CUX2: variants seen among roughly 807,000 people sequenced by gnomAD.
CUX2 encodes homeobox protein cut-like 2.
Under a neutral mutation model 144.8 loss-of-function variants are expected in CUX2, and 40 were observed. The ratio of observed to expected loss-of-function variants is 0.28; its 90% CI spans 0.21 to 0.36. The LOEUF is 0.36. Ranked by LOEUF, CUX2 falls within the 10% of genes least tolerant of loss-of-function variation. The probability of loss-of-function intolerance (pLI) is 1.00; values close to 1 mark genes in which losing one functional copy is unlikely to be tolerated. For missense variants in CUX2, 1,615 were observed against 1,994.0 expected, an observed-to-expected ratio of 0.81 and a Z score of 3.62; for synonymous variants, 827 against 875.6, an observed-to-expected ratio of 0.94 and a Z score of 0.98.
chr12:111,075,022 T>C (rs58084434), intron 1 of CUX2, among the ~76,000 whole-genome samples: 5,799 of 152,182 alleles, frequency 0.038, 357 homozygotes, highest in African/African-American at 0.13. Context: ...CCCACAGGCC[T>C]TCTCTGGACC....
intron 3 of CUX2, among the ~76,000 whole-genome samples, chr12:111,254,430 C>G (rs1351815530): frequency 6.6e-6 from 1 of 152,198 alleles, no homozygotes; most frequent in African/African-American, 2.4e-5. Flanking sequence ...AGGGCAGAAT[C>G]TGGAAGCTGG....
At chr12:111,073,132 C>T (rs1871327665) in intron 1 of CUX2, among the ~76,000 whole-genome samples, 1 of 152,164 alleles carries the variant, frequency 6.6e-6, no homozygotes, top group East Asian at 1.9e-4. Context: ...AAATTAAGAA[C>T]TAGAAAATCC....
chr12:111,242,596 C>T (rs1318376203), intron 3 of CUX2, among the ~76,000 whole-genome samples: 3 of 152,058 alleles, frequency 2.0e-5, no homozygotes, highest in South Asian at 2.1e-4. Context: ...GGCAGATCAC[C>T]TTAGGTCAGG....
intron 18 of CUX2, among the ~76,000 whole-genome samples, chr12:111,326,880 G>C (rs773609971): frequency 5.9e-5 from 9 of 152,148 alleles, no homozygotes; most frequent in Non-Finnish European, 8.8e-5. Flanking sequence ...TGCAGCCTGG[G>C]TGACAGAGTG....
At position 111,241,841 on chromosome 12, in the gene CUX2, T is replaced by C. The variant is rs12816576; in HGVS notation, c.223-21920T>C. 3.0e-3 allele frequency among the ~76,000 whole-genome samples: 454 copies of C among 152,400 alleles called. 1 individual carries two copies. Among genetic ancestry groups the C allele is most frequent in the South Asian group, 0.015 (72 of 4,828 alleles). Reference sequence around the variant, plus strand: ...CACTTTACAAAACTCAGCCTTCAGCTATGCAGTCTTAGGAAGCAGATCTCA... The same window carrying C: ...CACTTTACAAAACTCAGCCTTCAGCCATGCAGTCTTAGGAAGCAGATCTCA... On this transcript the variant is annotated intron_variant, in intron 3 of 21. Transcript: ENST00000261726.
intron 1 of CUX2, among the ~76,000 whole-genome samples, chr12:111,134,266 G>A (rs1349679340): frequency 1.3e-5 from 2 of 152,126 alleles, no homozygotes; most frequent in Non-Finnish European, 2.9e-5. Flanking sequence ...AAAGTATCTG[G>A]CATATCAAGT....
chr12:111,121,182 T>A (rs1874640448), intron 1 of CUX2, among the ~76,000 whole-genome samples: 1 of 151,736 alleles, frequency 6.6e-6, no homozygotes, highest in Non-Finnish European at 1.5e-5. Flanking sequence ...CTATATTGAT[T>A]TAATGTGCAT....
At chr12:111,093,477 C>A (rs1185253148) in intron 1 of CUX2, among the ~76,000 whole-genome samples, 1 of 152,030 alleles carries the variant, frequency 6.6e-6, no homozygotes, top group African/African-American at 2.4e-5. Context: ...GCCTCGTCTG[C>A]CACTTCTAAA....
chr12:111,119,629 C>T (rs1329034287), intron 1 of CUX2, among the ~76,000 whole-genome samples: 1 of 152,190 alleles, frequency 6.6e-6, no homozygotes, highest in Admixed American at 6.5e-5. Flanking sequence ...CATTGATGGA[C>T]TGGAAGTTCT....
intron 4 of CUX2, among the ~76,000 whole-genome samples, chr12:111,276,154 A>G (rs1884861794): frequency 6.6e-6 from 1 of 152,024 alleles, no homozygotes; most frequent in African/African-American, 2.4e-5. Context: ...GGAGTTTGAG[A>G]CCAGCCTGGG....
In CUX2 at chr12:111,178,847, T is replaced by C. The variant is rs2136177505; in HGVS notation, c.64-35353T>C. ...TCCTGTGGTGGTGATATCCCAGGGC[T>C]GAGCTGGAAGACCGTGTGCATGTGC... On this transcript the variant is annotated intron_variant, in intron 1 of 21. Transcript: ENST00000261726. The surrounding 1 kb of genome is among the most constrained non-coding windows in gnomAD (Gnocchi z 5.7). Among the ~76,000 whole-genome samples the C allele has an allele frequency of 6.6e-6, 1 of 152,182 alleles. No homozygotes were observed. Among genetic ancestry groups the C allele is most frequent in the Non-Finnish European group, 1.5e-5 (1 of 68,010 alleles).
At chr12:111,149,381 G>A (rs1876897354) in intron 1 of CUX2, among the ~76,000 whole-genome samples, 1 of 152,130 alleles carries the variant, frequency 6.6e-6, no homozygotes, top group African/African-American at 2.4e-5. Flanking sequence ...GAATGACTGA[G>A]GCAGGGTTTT....
chr12:111,110,196 T>A (rs191394991), intron 1 of CUX2, among the ~76,000 whole-genome samples: 104 of 152,232 alleles, frequency 6.8e-4, no homozygotes, highest in African/African-American at 2.0e-3. Flanking sequence ...CTGGGGAAGG[T>A]CTTTGAGGTC....
intron 1 of CUX2, among the ~76,000 whole-genome samples, chr12:111,177,417 G>A (rs1878922805): frequency 6.6e-6 from 1 of 151,940 alleles, no homozygotes. Flanking sequence ...TTTTAGCGGA[G>A]TCTCACTCTT....
chr12:111,201,030 G>A (rs115221995), intron 1 of CUX2, among the ~76,000 whole-genome samples: 3,125 of 152,230 alleles, frequency 0.021, 34 homozygotes, highest in Middle Eastern at 0.062. Flanking sequence ...ACAGCAGGCA[G>A]GGGACAAGCC....
intron 1 of CUX2, among the ~76,000 whole-genome samples, chr12:111,155,832 T>C (rs185928794): frequency 1.3e-5 from 2 of 152,218 alleles, no homozygotes; most frequent in African/African-American, 4.8e-5. Context: ...TTTTCTCTAA[T>C]ATGATATAAA....
At chr12:111,237,740 C>G (rs1213738111) in intron 3 of CUX2, among the ~76,000 whole-genome samples, 1 of 152,234 alleles carries the variant, frequency 6.6e-6, no homozygotes, top group Non-Finnish European at 1.5e-5. Flanking sequence ...TTGCTGCCCA[C>G]TTGTGCCCCT....
chr12:111,053,748 T>C (rs955809953), intron 1 of CUX2, among the ~76,000 whole-genome samples: 1 of 152,238 alleles, frequency 6.6e-6, no homozygotes, highest in African/African-American at 2.4e-5. Context: ...CCCCAGTTCC[T>C]TGTTGGTCTC....
intron 1 of CUX2, among the ~76,000 whole-genome samples, chr12:111,138,269 A>G (rs901386637): frequency 1.3e-5 from 2 of 151,148 alleles, no homozygotes; most frequent in African/African-American, 4.9e-5. Flanking sequence ...ATTAAGAGAG[A>G]TTTGCATTTA....
Sources: allele counts gnomAD v4.1 joint callset (sites outside exome capture counted in the v4.1 genomes callset), GRCh38; gene constraint gnomAD v4.1.1; non-coding constraint Gnocchi (gnomAD v3.1); transcripts MANE v1.5; gene names NCBI Gene and HGNC (gene_info 2026-07-23, HGNC 2026-07-21).